Variants in CFAP61 observed in about 807,000 individuals in gnomAD.
CFAP61 encodes the protein cilia and flagella associated protein 61, also known as cilia- and flagella-associated protein 61.
A neutral mutation model predicts 135.6 loss-of-function variants in CFAP61; 107 were observed. That is an observed-to-expected ratio of 0.79 (90% CI 0.67 to 0.93). CFAP61 has a LOEUF of 0.93. Among genes scored for constraint, CFAP61 ranks in the 40% least tolerant of loss-of-function variants. The pLI, the probability that CFAP61 is intolerant of heterozygous loss-of-function variation, is 0.00. For missense variants in CFAP61, 1,507 were observed against 1,556.2 expected, an observed-to-expected ratio of 0.97 and a Z score of 0.53; for synonymous variants, 575 against 578.5, an observed-to-expected ratio of 0.99 and a Z score of 0.09.
intron 18 of CFAP61, 45 bp from the exon 19 acceptor site, chr20:20,246,072 A>G: frequency 8.1e-7 from 1 of 1,235,730 alleles, no homozygotes; most frequent in Non-Finnish European, 1.2e-6. Context: ...CTTTTGCTAA[A>G]TTGCACTTAA....
chr20:20,321,215 A>G (rs553295974), intron 25 of CFAP61, among the ~76,000 whole-genome samples: 5 of 152,212 alleles, frequency 3.3e-5, no homozygotes, highest in Non-Finnish European at 7.3e-5. Flanking sequence ...TTCATTTATC[A>G]TAACAAGGTG....
At chr20:20,308,131 G>T (rs540902611) in intron 25 of CFAP61, among the ~76,000 whole-genome samples, 104 of 152,306 alleles carry the variant, frequency 6.8e-4, no homozygotes, top group African/African-American at 2.4e-3. Flanking sequence ...ATATCAGACA[G>T]CGGAGAATAG....
chr20:20,056,260 C>T (rs936214644), intron 1 of CFAP61, among the ~76,000 whole-genome samples: 1 of 152,178 alleles, frequency 6.6e-6, no homozygotes, highest in Non-Finnish European at 1.5e-5. Flanking sequence ...TCAGTATTTC[C>T]CCAGTAACTC....
At chr20:20,058,573 A>G (rs970308166) in intron 2 of CFAP61, among the ~76,000 whole-genome samples, 1 of 152,266 alleles carries the variant, frequency 6.6e-6, no homozygotes, top group Non-Finnish European at 1.5e-5. Flanking sequence ...TGTAGGGATG[A>G]ACAAGATATA....
chr20:20,245,379 A>G lies in CFAP61; in HGVS notation c.2061-738A>G, dbSNP rs1054672998. Reference sequence around the variant, plus strand: ...CAATCATGGTGGAAGGCAAAGAGGAACAAGTCACGTCTTATATGGATGGCA... The same window carrying G: ...CAATCATGGTGGAAGGCAAAGAGGAGCAAGTCACGTCTTATATGGATGGCA... On this transcript the variant is annotated intron_variant, in intron 18 of 26. Transcript: ENST00000245957. Among the ~76,000 whole-genome samples, 125 of 152,346 alleles carry G rather than the reference A, an allele frequency of 8.2e-4. 1 individual carries two copies. The highest frequency in any genetic ancestry group is 2.8e-3 in the African/African-American group (118 of 41,588).
chr20:20,056,183 G>C, intron 1 of CFAP61: 1 of 584,768 alleles, frequency 1.7e-6, no homozygotes, highest in Non-Finnish European at 3.0e-6. Flanking sequence ...CTCAAAATAT[G>C]TCTCAAGACT....
intron 1 of CFAP61, chr20:20,056,157 A>G (rs2044316574): frequency 1.3e-5 from 8 of 618,968 alleles, no homozygotes; most frequent in Non-Finnish European, 1.7e-5. Flanking sequence ...ACACTTAACC[A>G]CAGAACTTTT....
intron 7 of CFAP61, 114 bp downstream of exon 7, chr20:20,091,090 C>A: frequency 8.4e-7 from 1 of 1,197,126 alleles, no homozygotes; most frequent in Non-Finnish European, 1.2e-6. Context: ...CCTGGCCACC[C>A]CGGCCCTCCC....
chr20:20,189,514 TGAAACCA>T (rs1251199951), intron 14 of CFAP61, among the ~76,000 whole-genome samples: 9 of 149,630 alleles, frequency 6.0e-5, no homozygotes, highest in African/African-American at 2.0e-4. Flanking sequence ...TGGCATTGGG[TGAAACCA>T]ATGCCACCTC....
chr20:20,250,278 C>G (rs557147474), intron 19 of CFAP61, among the ~76,000 whole-genome samples: 1 of 152,306 alleles, frequency 6.6e-6, no homozygotes, highest in African/African-American at 2.4e-5. Flanking sequence ...ACGCATCCTG[C>G]CTAACAAAGC....
intron 11 of CFAP61, among the ~76,000 whole-genome samples, chr20:20,165,760 T>TAAA (rs1392120120): frequency 1.3e-5 from 2 of 152,184 alleles, no homozygotes; most frequent in African/African-American, 4.8e-5. Flanking sequence ...ATGTTCCCAG[T>TAAA]CTCCCAGCAT....
chr20:20,262,901 C>A, intron 20 of CFAP61, 55 bp from the exon 21 acceptor site: 1 of 1,158,950 alleles, frequency 8.6e-7, no homozygotes, highest in Non-Finnish European at 1.2e-6. Flanking sequence ...TTTTTAACCA[C>A]TGTCACCACT....
intron 17 of CFAP61, among the ~76,000 whole-genome samples, chr20:20,206,740 TATATATATATACC>T (rs1358901778): frequency 6.6e-6 from 1 of 151,742 alleles, no homozygotes; most frequent in African/African-American, 2.4e-5. Flanking sequence ...GGTTTTTGGG[TATATATATATACC>T]ATATATATAT....
At chr20:20,255,050 AAT>A (rs1226012998) in intron 20 of CFAP61, among the ~76,000 whole-genome samples, 5 of 152,240 alleles carry the variant, frequency 3.3e-5, no homozygotes, top group African/African-American at 1.2e-4. Context: ...CAAATACAGT[AAT>A]ATGTTTATAG....
Position 20,352,091 on chromosome 20 carries a change from T to G in CFAP61, c.3514-8119T>G, listed in dbSNP as rs139516959. Among the ~76,000 whole-genome samples the G allele has an allele frequency of 6.6e-4, 100 of 152,206 alleles. 2 individuals are homozygous for G. The East Asian group carries it at 0.018, about 28-fold the overall frequency. On this transcript the variant is annotated intron_variant, in intron 26 of 26. Transcript: ENST00000245957. Reference sequence around the variant, plus strand: ...CTGGGTAATTTACGAAGGAAAGAGGTTTAATTGACTCACAGTTCCATATGG... The same window carrying G: ...CTGGGTAATTTACGAAGGAAAGAGGGTTAATTGACTCACAGTTCCATATGG...
At chr20:20,255,408 C>T (rs1043612415) in intron 20 of CFAP61, among the ~76,000 whole-genome samples, 1 of 152,116 alleles carries the variant, frequency 6.6e-6, no homozygotes, top group Non-Finnish European at 1.5e-5. Flanking sequence ...GTTCATGGGT[C>T]GGGGGTCACT....
chr20:20,192,863 T>C (rs1240632686), intron 15 of CFAP61, among the ~76,000 whole-genome samples: 1 of 152,184 alleles, frequency 6.6e-6, no homozygotes, highest in African/African-American at 2.4e-5. Flanking sequence ...GATCTTGTAT[T>C]CAATCACCTT....
rs534142827 is a variant in CFAP61, at chr20:20,066,122, A to G, written c.144-4732A>G. Reference sequence around the variant, plus strand: ...TAGAGAAATGCAAATCAAAACCACAATGAGATACCATCTCATGTCAGTCAG... The same window carrying G: ...TAGAGAAATGCAAATCAAAACCACAGTGAGATACCATCTCATGTCAGTCAG... On this transcript the variant is annotated intron_variant, in intron 2 of 26. Coordinates refer to ENST00000245957, the MANE Select transcript of CFAP61 (RefSeq NM_015585.4). Among the ~76,000 whole-genome samples the G allele has an allele frequency of 3.1e-3, 466 of 152,354 alleles. 3 individuals are homozygous for G. The highest frequency in any genetic ancestry group is 5.4e-3 in the Non-Finnish European group (368 of 68,036).
chr20:20,198,717 A>G (rs1179984981), intron 16 of CFAP61, among the ~76,000 whole-genome samples: 1 of 152,150 alleles, frequency 6.6e-6, no homozygotes, highest in Non-Finnish European at 1.5e-5. Flanking sequence ...GGTGCTGGCT[A>G]GGGTTCTGTT....
Sources: gnomAD v4.1 joint callset for allele counts (sites outside exome capture counted in the v4.1 genomes callset) on GRCh38, gnomAD v4.1.1 for gene constraint, MANE v1.5 for transcripts, NCBI Gene and HGNC (gene_info 2026-07-23, HGNC 2026-07-21) for gene names.